WDFY3: variants seen among roughly 807,000 people sequenced by gnomAD.
WDFY3 encodes WD repeat and FYVE domain-containing protein 3.
In WDFY3, 66 loss-of-function variants were observed where a neutral mutation model predicts 409.6. The observed-to-expected ratio is 0.16, with a 90% CI of 0.13 to 0.20. The LOEUF is 0.20. WDFY3 is among the 10% of genes least tolerant of loss of function. WDFY3 has a pLI of 1.00. For missense variants in WDFY3, 3,031 were observed against 4,298.1 expected (o/e 0.71, Z 8.24); for synonymous variants, 1,521 against 1,537.1 (o/e 0.99, Z 0.25).
intron 4 of WDFY3, among the ~76,000 whole-genome samples, chr4:84,858,871 T>G (rs1760140343): frequency 2.1e-5 from 3 of 142,860 alleles, no homozygotes; most frequent in South Asian, 2.3e-4. Context: ...CAGGGGAGAG[T>G]CAGAGACAGG....
chr4:84,901,022 T>C (rs1011223270), intron 2 of WDFY3, among the ~76,000 whole-genome samples: 5 of 152,214 alleles, frequency 3.3e-5, no homozygotes, highest in African/African-American at 1.2e-4. Flanking sequence ...GGCTGCTCTC[T>C]GCTTCCAAGA....
At chr4:84,713,051 A>C (rs772936376) in intron 51 of WDFY3, 108 bp downstream of exon 51, 77 of 1,244,132 alleles carry the variant, frequency 6.2e-5, no homozygotes, top group Non-Finnish European at 8.4e-5. Flanking sequence ...AAAAATTTGC[A>C]ACCACCAGGG....
chr4:84,816,533 A>C (rs921470212), intron 13 of WDFY3, among the ~76,000 whole-genome samples: 2 of 152,156 alleles, frequency 1.3e-5, no homozygotes, highest in Non-Finnish European at 1.5e-5. Context: ...CAACAGTACT[A>C]ATAGAAAGCA....
intron 27 of WDFY3, among the ~76,000 whole-genome samples, chr4:84,777,480 G>A (rs577487919): frequency 8.5e-5 from 13 of 152,196 alleles, no homozygotes; most frequent in Admixed American, 8.5e-4. Context: ...AGTATAACTT[G>A]AAAGAATATG....
intron 10 of WDFY3, among the ~76,000 whole-genome samples, chr4:84,825,866 A>G (rs1173068999): frequency 1.3e-5 from 2 of 152,144 alleles, no homozygotes; most frequent in Admixed American, 1.3e-4. Context: ...AATAAAAACT[A>G]TTAGAGGCCT....
intron 46 of WDFY3, 21 bp from the exon 47 acceptor site, chr4:84,721,593 G>C (rs1274911985): frequency 6.2e-7 from 1 of 1,600,116 alleles, no homozygotes; most frequent in Non-Finnish European, 8.5e-7. Flanking sequence ...ATAACCAAGA[G>C]GGCCATGTGG....
intron 1 of WDFY3, among the ~76,000 whole-genome samples, chr4:84,936,099 T>C (rs1263668873): frequency 6.6e-6 from 1 of 152,214 alleles, no homozygotes; most frequent in Non-Finnish European, 1.5e-5. Context: ...ACTGTGTACA[T>C]TGAAATGCCA....
chr4:84,945,660 A>C (rs1314061816), intron 1 of WDFY3, among the ~76,000 whole-genome samples: 1 of 152,164 alleles, frequency 6.6e-6, no homozygotes. Flanking sequence ...AGTACATAAA[A>C]TAAGCTCTGA....
At chr4:84,884,512 T>C (rs1394528383) in intron 3 of WDFY3, among the ~76,000 whole-genome samples, 1 of 152,014 alleles carries the variant, frequency 6.6e-6, no homozygotes, top group Non-Finnish European at 1.5e-5. Context: ...CCTGAAGAAA[T>C]TACATTTAAT....
At chr4:84,745,474 T>C (rs1268652788) in intron 36 of WDFY3, among the ~76,000 whole-genome samples, 1 of 152,170 alleles carries the variant, frequency 6.6e-6, no homozygotes, top group Non-Finnish European at 1.5e-5. Flanking sequence ...ATTTTCAAGG[T>C]GGTCCTATTA....
At chr4:84,943,179 C>T (rs1772362693) in intron 1 of WDFY3, among the ~76,000 whole-genome samples, 1 of 152,134 alleles carries the variant, frequency 6.6e-6, no homozygotes, top group East Asian at 1.9e-4. Context: ...TTCTTAATGT[C>T]ATTTTCTTTT....
intron 36 of WDFY3, among the ~76,000 whole-genome samples, chr4:84,748,359 G>A (rs1007965380): frequency 6.6e-6 from 1 of 152,190 alleles, no homozygotes; most frequent in Non-Finnish European, 1.5e-5. Context: ...GTATAGATGT[G>A]AAGAGAATTG....
At chr4:84,783,110 A>C in intron 24 of WDFY3, 36 bp from the exon 25 acceptor site, 1 of 1,567,260 alleles carries the variant, frequency 6.4e-7, no homozygotes, top group Non-Finnish European at 8.8e-7. Context: ...GTAATTATAT[A>C]AGAACAGTTT....
intron 3 of WDFY3, among the ~76,000 whole-genome samples, chr4:84,894,170 G>A (rs184273708): frequency 7.2e-4 from 109 of 152,204 alleles, no homozygotes; most frequent in African/African-American, 2.5e-3. Flanking sequence ...ATGCAATGAA[G>A]AGAGAATAAG....
intron 1 of WDFY3, among the ~76,000 whole-genome samples, chr4:84,947,710 C>CA (rs1176852063): frequency 0.14 from 11,157 of 77,386 alleles, 1,301 homozygotes; most frequent in African/African-American, 0.33. Context: ...CCACATCTAC[C>CA]AAAAAAAAAA....
chr4:84,674,298 G>A (rs1409503583), intron 67 of WDFY3, among the ~76,000 whole-genome samples: 1 of 152,184 alleles, frequency 6.6e-6, no homozygotes, highest in Non-Finnish European at 1.5e-5. Context: ...TGATGGGTGT[G>A]GAGGCTGAAA....
intron 4 of WDFY3, among the ~76,000 whole-genome samples, chr4:84,853,287 C>T (rs923867332): frequency 6.6e-6 from 1 of 152,194 alleles, no homozygotes; most frequent in Non-Finnish European, 1.5e-5. Context: ...TCTCCTGCCT[C>T]AGCTTCCTGA....
intron 58 of WDFY3, among the ~76,000 whole-genome samples, chr4:84,693,322 T>C (rs1578151646): frequency 6.6e-6 from 1 of 152,200 alleles, no homozygotes; most frequent in East Asian, 1.9e-4. Context: ...CAATCTACAG[T>C]TGATTGACAA....
At chr4:84,765,625 C>G (rs1028341295) in intron 32 of WDFY3, among the ~76,000 whole-genome samples, 185 bp downstream of exon 32, 1 of 152,146 alleles carries the variant, frequency 6.6e-6, no homozygotes, top group African/African-American at 2.4e-5. Context: ...TTATCTCTGT[C>G]TTCAGTTTGA....
Sources: allele counts gnomAD v4.1 joint callset (sites outside exome capture counted in the v4.1 genomes callset), GRCh38; gene constraint gnomAD v4.1.1; transcripts MANE v1.5; gene names NCBI Gene and HGNC (gene_info 2026-07-23, HGNC 2026-07-21).